CDH23: variants seen among roughly 807,000 people sequenced by gnomAD.
CDH23 encodes the protein cadherin-23.
A neutral mutation model predicts 317.1 loss-of-function variants in CDH23; 189 were observed. The ratio of observed to expected loss-of-function variants is 0.60; its 90% CI spans 0.53 to 0.67. The LOEUF is 0.67. Ranked by LOEUF, CDH23 falls within the 30% of genes least tolerant of loss-of-function variation. The pLI is 0.00. For synonymous variants in CDH23, 1,839 were observed against 1,876.8 expected (o/e 0.98, Z 0.52); for missense variants, 4,401 against 4,592.4 (o/e 0.96, Z 1.20).
chr10:71,525,539 G>T (rs1589164676), intron 6 of CDH23, among the ~76,000 whole-genome samples: 1 of 152,224 alleles, frequency 6.6e-6, no homozygotes, highest in South Asian at 2.1e-4. Context: ...GGACTAGGGA[G>T]GGTAGCTGGC....
chr10:71,586,996 A>G (rs572212631), intron 9 of CDH23, among the ~76,000 whole-genome samples: 12 of 152,336 alleles, frequency 7.9e-5, no homozygotes, highest in Admixed American at 2.0e-4. Context: ...CTGTGCTGCT[A>G]TGAACATCTG....
intron 11 of CDH23, among the ~76,000 whole-genome samples, chr10:71,618,024 T>G (rs1164260011): frequency 1.3e-5 from 2 of 152,118 alleles, no homozygotes; most frequent in East Asian, 1.9e-4. Context: ...AAACCATATG[T>G]GTATTTTCAC....
At chr10:71,530,443 G>A (rs766275697) in intron 6 of CDH23, among the ~76,000 whole-genome samples, 8 of 152,194 alleles carry the variant, frequency 5.3e-5, no homozygotes, top group South Asian at 2.1e-4. Context: ...TTCTCCACCC[G>A]CCGCCTGGCC....
chr10:71,578,726 A>T (rs1197402195), intron 9 of CDH23, among the ~76,000 whole-genome samples: 1 of 150,576 alleles, frequency 6.6e-6, no homozygotes, highest in Non-Finnish European at 1.5e-5. Context: ...CCACCCCCCC[A>T]TACATGCCAT....
chr10:71,453,095 C>A (rs929035479), intron 3 of CDH23, among the ~76,000 whole-genome samples: 2 of 152,200 alleles, frequency 1.3e-5, no homozygotes. Flanking sequence ...GCTGACTTCC[C>A]CAGCCAGAAC....
chr10:71,767,714 T>A (rs1840586915), intron 38 of CDH23, among the ~76,000 whole-genome samples: 1 of 152,390 alleles, frequency 6.6e-6, no homozygotes, highest in South Asian at 2.1e-4. Flanking sequence ...CCAGCAAGTC[T>A]GCCCTGGGGC....
intron 57 of CDH23, 142 bp downstream of exon 57, chr10:71,806,423 C>A: frequency 1.5e-6 from 1 of 648,184 alleles, no homozygotes. Context: ...CATGCAAGAA[C>A]AACTATTTAT....
chr10:71,652,519 C>T (rs1863224036), intron 14 of CDH23, among the ~76,000 whole-genome samples: 1 of 152,232 alleles, frequency 6.6e-6, no homozygotes, highest in South Asian at 2.1e-4. Flanking sequence ...CCTGGCTGCC[C>T]ACCAGCCCTT....
chr10:71,754,366 T>C (rs1840080313), intron 38 of CDH23, among the ~76,000 whole-genome samples: 1 of 151,932 alleles, frequency 6.6e-6, no homozygotes. Context: ...GGATGACAAG[T>C]TGTTAAGGGC....
intron 1 of CDH23, among the ~76,000 whole-genome samples, chr10:71,425,230 AGG>A (rs1206699176): frequency 0.15 from 4,700 of 31,184 alleles, 602 homozygotes; most frequent in Non-Finnish European, 0.21. Context: ...AGAGAGAGAG[AGG>A]GAGAGAGAGA....
chr10:71,803,120 A>C, intron 54 of CDH23, 45 bp downstream of exon 54: 3 of 843,094 alleles, frequency 3.6e-6, no homozygotes, highest in Non-Finnish European at 5.6e-6. Context: ...GGGGGGTGGG[A>C]GGGGGAGGCC....
intron 22 of CDH23, among the ~76,000 whole-genome samples, chr10:71,695,913 C>G (rs1865371574): frequency 1.3e-5 from 2 of 152,204 alleles, no homozygotes; most frequent in South Asian, 4.1e-4. Context: ...CAGCACCTGT[C>G]TTTCACTGCT....
intron 41 of CDH23, 32 bp downstream of exon 41, chr10:71,779,479 G>A: frequency 6.4e-7 from 1 of 1,561,076 alleles, no homozygotes; most frequent in Non-Finnish European, 8.7e-7. Flanking sequence ...CCACCCACAG[G>A]GTCTCACCTG....
chr10:71,414,084 T>TGTGTG (rs1848441616), intron 1 of CDH23, among the ~76,000 whole-genome samples: 1 of 150,710 alleles, frequency 6.6e-6, no homozygotes, highest in East Asian at 1.9e-4. Flanking sequence ...TGTGTGTGTG[T>TGTGTG]AATTGTTAGA....
chr10:71,698,524 G>A (rs1439256915), intron 22 of CDH23, among the ~76,000 whole-genome samples: 1 of 116,072 alleles, frequency 8.6e-6, no homozygotes, highest in African/African-American at 3.3e-5. Flanking sequence ...CACACCCACC[G>A]CACACACCCA....
At chr10:71,560,470 G>A (rs1216596419) in intron 6 of CDH23, among the ~76,000 whole-genome samples, 1 of 152,020 alleles carries the variant, frequency 6.6e-6, no homozygotes, top group Non-Finnish European at 1.5e-5. Context: ...TTGAGGAGGG[G>A]CCCTGAGCCC....
chr10:71,689,202 G>T (rs1165448965), intron 19 of CDH23, among the ~76,000 whole-genome samples: 1 of 148,650 alleles, frequency 6.7e-6, no homozygotes, highest in Non-Finnish European at 1.5e-5. Flanking sequence ...TGGAGCCAGG[G>T]TTGGTGGAGT....
chr10:71,795,297 G>A (rs1841368639), intron 48 of CDH23, among the ~76,000 whole-genome samples: 1 of 152,090 alleles, frequency 6.6e-6, no homozygotes, highest in South Asian at 2.1e-4. Context: ...AACTCAATCT[G>A]CATTTGAGGC....
rs764110648 is a variant in CDH23, at chr10:71,809,863, C to T, written c.8766C>T (p.Ala2922=). The change falls in exon 61 of 70, where the codon GCC becomes GCT. Residue 2922 remains alanine, a synonymous_variant. Coordinates refer to ENST00000224721, the MANE Select transcript of CDH23 (RefSeq NM_022124.6). The stretch of plus-strand genomic sequence containing the variant: ...TGCGCACCTTCGACCTCTTCATGGC[C>T]TACAGCCCCGGCTACTTCGTGGTGG... The part of the protein sequence containing the change: ...GILRTFDLFM[A]YSPGYFVVDI... 14 of 1,613,328 alleles carry T rather than the reference C, an allele frequency of 8.7e-6. No individual in the cohort carries two copies. The highest frequency in any genetic ancestry group is 1.2e-5 in the Non-Finnish European group (14 of 1,179,910).
Sources: allele counts gnomAD v4.1 joint callset (sites outside exome capture counted in the v4.1 genomes callset), GRCh38; gene constraint gnomAD v4.1.1; transcripts MANE v1.5; gene names NCBI Gene and HGNC (gene_info 2026-07-23, HGNC 2026-07-21).